The following CDH13 variants were observed in gnomAD, a reference collection of about 807,000 sequenced individuals.
The protein encoded by CDH13 is cadherin 13, also known as cadherin-13.
Under a neutral mutation model 63.8 loss-of-function variants are expected in CDH13, and 24 were observed. That is an observed-to-expected ratio of 0.38 (90% CI 0.27 to 0.53). The LOEUF is 0.53. Among genes scored for constraint, CDH13 ranks in the 20% least tolerant of loss-of-function variants. The pLI is 0.85. For synonymous variants in CDH13, 503 were observed against 355.3 expected, an observed-to-expected ratio of 1.42 and a Z score of -4.67; for missense variants, 1,049 against 903.1, an observed-to-expected ratio of 1.16 and a Z score of -2.07.
intron 5 of CDH13, among the ~76,000 whole-genome samples, chr16:83,317,010 GC>G (rs2090120843): frequency 6.6e-6 from 1 of 152,108 alleles, no homozygotes; most frequent in Non-Finnish European, 1.5e-5. Context: ...GGCTTTGATG[GC>G]CCCCTGGGAT....
At chr16:83,243,436 CACAGGAAAG>C in intron 5 of CDH13, among the ~76,000 whole-genome samples, 1 of 152,196 alleles carries the variant, frequency 6.6e-6, no homozygotes, top group African/African-American at 2.4e-5. Context: ...ATGAGAACAG[CACAGGAAAG>C]ACCTACCCCC....
chr16:83,574,235 A>C (rs1486674714), intron 7 of CDH13, among the ~76,000 whole-genome samples: 1 of 152,122 alleles, frequency 6.6e-6, no homozygotes, highest in African/African-American at 2.4e-5. Flanking sequence ...TTTTTGTCTC[A>C]GTGTACACCC....
intron 1 of CDH13, chr16:82,705,194 T>C (rs982764399): frequency 7.0e-5 from 32 of 455,824 alleles, no homozygotes; most frequent in African/African-American, 6.0e-4. Flanking sequence ...AGGACTATTA[T>C]TTCATGATGA....
chr16:83,278,383 A>G (rs1173467710), intron 5 of CDH13, among the ~76,000 whole-genome samples: 1 of 152,226 alleles, frequency 6.6e-6, no homozygotes, highest in Non-Finnish European at 1.5e-5. Context: ...TCTAAGCTCC[A>G]AGACAACCCT....
chr16:83,447,977 A>G (rs1196398272), intron 6 of CDH13, among the ~76,000 whole-genome samples: 3 of 151,988 alleles, frequency 2.0e-5, no homozygotes, highest in African/African-American at 4.8e-5. Context: ...TTGCTCTGGG[A>G]GTTTTCAGAA....
chr16:82,880,400 A>T (rs978062979), intron 2 of CDH13, among the ~76,000 whole-genome samples: 2 of 152,132 alleles, frequency 1.3e-5, no homozygotes, highest in Non-Finnish European at 2.9e-5. Flanking sequence ...ACTAATGTGG[A>T]TATTGAATGT....
intron 5 of CDH13, among the ~76,000 whole-genome samples, chr16:83,319,021 T>A (rs756936990): frequency 6.6e-6 from 1 of 150,876 alleles, no homozygotes; most frequent in Non-Finnish European, 1.5e-5. Flanking sequence ...ATACAAAATA[T>A]ATATATAACA....
At chr16:82,888,455 G>A (rs942661487) in intron 2 of CDH13, among the ~76,000 whole-genome samples, 2 of 152,208 alleles carry the variant, frequency 1.3e-5, no homozygotes, top group Admixed American at 6.5e-5. Flanking sequence ...GGCAAGTACA[G>A]GGCAAATGCC....
intron 2 of CDH13, among the ~76,000 whole-genome samples, chr16:83,025,769 C>T (rs922068338): frequency 1.3e-5 from 2 of 152,130 alleles, no homozygotes; most frequent in Non-Finnish European, 2.9e-5. Flanking sequence ...AGTCCCCAAC[C>T]TCTACTCTTT....
intron 11 of CDH13, among the ~76,000 whole-genome samples, chr16:83,761,940 G>A (rs1914005823): frequency 6.6e-6 from 1 of 152,104 alleles, no homozygotes; most frequent in African/African-American, 2.4e-5. Context: ...GGTTGTGCAT[G>A]CCTGTAGTCC....
intron 7 of CDH13, among the ~76,000 whole-genome samples, chr16:83,554,660 G>A (rs2075568741): frequency 6.6e-6 from 1 of 151,930 alleles, no homozygotes; most frequent in African/African-American, 2.4e-5. Context: ...CTTGCACAAA[G>A]GCCATCACAA....
chr16:83,448,734 C>G (rs1051053593), intron 6 of CDH13, among the ~76,000 whole-genome samples: 1 of 151,994 alleles, frequency 6.6e-6, no homozygotes, highest in African/African-American at 2.4e-5. Flanking sequence ...GCAAGACAGC[C>G]CAGCTGGGGA....
At chr16:82,673,199 G>A (rs977457678) in intron 1 of CDH13, among the ~76,000 whole-genome samples, 5 of 151,802 alleles carry the variant, frequency 3.3e-5, no homozygotes, top group African/African-American at 1.2e-4. Flanking sequence ...GCCCCGGGTA[G>A]GAATTTGGTA....
intron 1 of CDH13, among the ~76,000 whole-genome samples, chr16:82,642,480 AT>A (rs1720289782): frequency 6.6e-6 from 1 of 152,204 alleles, no homozygotes; most frequent in Non-Finnish European, 1.5e-5. Context: ...CAGTATTTAC[AT>A]TGTTCTTTTT....
At chr16:83,199,040 C>T (rs993724210) in intron 4 of CDH13, among the ~76,000 whole-genome samples, 8 of 152,148 alleles carry the variant, frequency 5.3e-5, no homozygotes, top group African/African-American at 1.4e-4. Context: ...GGAGAAAAGA[C>T]GAGGCAGGCT....
At chr16:83,666,311 T>C (rs1913946012) in intron 8 of CDH13, among the ~76,000 whole-genome samples, 2 of 152,228 alleles carry the variant, frequency 1.3e-5, no homozygotes, top group African/African-American at 2.4e-5. Flanking sequence ...ATAGAATGAG[T>C]ATTTAATTAA....
chr16:83,164,074 G>T (rs1163934127), intron 4 of CDH13, among the ~76,000 whole-genome samples: 1 of 151,970 alleles, frequency 6.6e-6, no homozygotes, highest in Admixed American at 6.6e-5. Flanking sequence ...GCTGGTAACT[G>T]ATCGGGAAAA....
At chr16:82,853,587 C>G (rs914833903) in intron 1 of CDH13, among the ~76,000 whole-genome samples, 3 of 152,166 alleles carry the variant, frequency 2.0e-5, no homozygotes, top group African/African-American at 7.2e-5. Flanking sequence ...CGCTGGTAAA[C>G]GAGATTCACA....
chr16:82,797,983 G>T (rs972835755), intron 1 of CDH13, among the ~76,000 whole-genome samples: 2 of 152,108 alleles, frequency 1.3e-5, no homozygotes, highest in Non-Finnish European at 2.9e-5. Context: ...CACCACGATG[G>T]ATCCAGATTT....
Sources: allele counts gnomAD v4.1 joint callset (sites outside exome capture counted in the v4.1 genomes callset), GRCh38; gene constraint gnomAD v4.1.1; transcripts MANE v1.5; gene names NCBI Gene and HGNC (gene_info 2026-07-23, HGNC 2026-07-21).